The following RNF169 variants were observed in gnomAD, a reference collection of about 807,000 sequenced individuals.
RNF169 encodes E3 ubiquitin-protein ligase RNF169.
A neutral mutation model predicts 53.9 loss-of-function variants in RNF169; 24 were observed. That is an observed-to-expected ratio of 0.45 (90% CI 0.32 to 0.63). RNF169 has a LOEUF of 0.63. Among genes scored for constraint, RNF169 ranks in the 20% least tolerant of loss-of-function variants. The probability of loss-of-function intolerance (pLI) is 0.04; values close to 1 mark genes in which losing one functional copy is unlikely to be tolerated. For missense variants in RNF169, 883 were observed against 906.2 expected, an observed-to-expected ratio of 0.97 and a Z score of 0.33; for synonymous variants, 396 against 363.5, an observed-to-expected ratio of 1.09 and a Z score of -1.02.
chr11:74,776,511 CAAAAA>C (rs766527055), intron 1 of RNF169, among the ~76,000 whole-genome samples: 7 of 82,014 alleles, frequency 8.5e-5, no homozygotes, highest in African/African-American at 2.3e-4. Context: ...TTCATTCAGC[CAAAAA>C]AAAAAAAAAA....
At chr11:74,821,183 T>A (rs143082581) in intron 4 of RNF169, among the ~76,000 whole-genome samples, 48 of 152,334 alleles carry the variant, frequency 3.2e-4, no homozygotes, top group African/African-American at 1.1e-3. Context: ...GCTGCTCTCC[T>A]TCCATTTTTT....
intron 1 of RNF169, among the ~76,000 whole-genome samples, chr11:74,766,479 G>T (rs2035176652): frequency 1.3e-5 from 2 of 152,072 alleles, no homozygotes; most frequent in South Asian, 2.1e-4. Flanking sequence ...GATATTTGTT[G>T]GTATTAAAGA....
Position 74,766,547 on chromosome 11 carries a change from C to T in RNF169, c.502+17165C>T, listed in dbSNP as rs576798226. On this transcript the variant is annotated intron_variant, in intron 1 of 5. Coordinates refer to ENST00000299563, the MANE Select transcript of RNF169 (RefSeq NM_001098638.2). ...TTATATATTTTAAAATAATCCTTCT[C>T]TTAGATGTTAAAAATATTTATAGCT... Among the ~76,000 whole-genome samples the T allele has an allele frequency of 2.0e-3, 297 of 152,260 alleles. 2 individuals are homozygous for T. Among genetic ancestry groups the T allele is most frequent in the Non-Finnish European group, 3.2e-3 (217 of 68,024 alleles).
chr11:74,791,435 G>A (rs2035578391), intron 2 of RNF169, among the ~76,000 whole-genome samples: 1 of 152,218 alleles, frequency 6.6e-6, no homozygotes, highest in Admixed American at 6.5e-5. Context: ...AACCTGCCCT[G>A]TACAGTACCC....
intron 1 of RNF169, among the ~76,000 whole-genome samples, chr11:74,765,433 G>A (rs2035157729): frequency 6.6e-6 from 1 of 152,104 alleles, no homozygotes; most frequent in South Asian, 2.1e-4. Flanking sequence ...GAAATTAATA[G>A]TGAAAATATA....
chr11:74,754,207 C>T (rs2034944700), intron 1 of RNF169, among the ~76,000 whole-genome samples: 1 of 152,114 alleles, frequency 6.6e-6, no homozygotes, highest in Non-Finnish European at 1.5e-5. Context: ...AGAGACATTC[C>T]TTATCTGTTG....
intron 4 of RNF169, among the ~76,000 whole-genome samples, chr11:74,827,256 C>G (rs896754032): frequency 1.3e-5 from 2 of 152,216 alleles, no homozygotes; most frequent in African/African-American, 4.8e-5. Flanking sequence ...AAACAATGGC[C>G]TGATCTGTAC....
At chr11:74,823,468 A>G (rs969242847) in intron 4 of RNF169, among the ~76,000 whole-genome samples, 2 of 152,102 alleles carry the variant, frequency 1.3e-5, no homozygotes, top group African/African-American at 4.8e-5. Context: ...GAGTTTGGTG[A>G]CTCATGCCTG....
At chr11:74,834,492 T>C (rs187424816) in intron 4 of RNF169, among the ~76,000 whole-genome samples, 184 bp from the exon 5 acceptor site, 554 of 152,340 alleles carry the variant, frequency 3.6e-3, no homozygotes, top group Non-Finnish European at 6.6e-3. Flanking sequence ...TGGAGCACTG[T>C]CTTTTGGCAG....
intron 4 of RNF169, chr11:74,831,714 A>G (rs950033665): frequency 2.6e-5 from 4 of 152,016 alleles, no homozygotes; most frequent in African/African-American, 9.7e-5. Context: ...AAAAAAGAAC[A>G]AAGGTGGAAG....
At chr11:74,751,167 A>G (rs990211004) in intron 1 of RNF169, among the ~76,000 whole-genome samples, 1 of 152,050 alleles carries the variant, frequency 6.6e-6, no homozygotes, top group Non-Finnish European at 1.5e-5. Flanking sequence ...CACTGTGCTC[A>G]GCCCTCGTTA....
At chr11:74,828,185 A>G (rs2036126809) in intron 4 of RNF169, among the ~76,000 whole-genome samples, 1 of 152,180 alleles carries the variant, frequency 6.6e-6, no homozygotes, top group African/African-American at 2.4e-5. Flanking sequence ...CCTATACACC[A>G]GTAGCAGGTA....
chr11:74,785,571 T>A (rs1399864404), intron 1 of RNF169, among the ~76,000 whole-genome samples: 1 of 152,084 alleles, frequency 6.6e-6, no homozygotes, highest in Non-Finnish European at 1.5e-5. Context: ...CTTAACTGTT[T>A]TAGTATTCAA....
chr11:74,832,876 T>C (rs1202750954), intron 4 of RNF169, among the ~76,000 whole-genome samples: 1 of 152,186 alleles, frequency 6.6e-6, no homozygotes, highest in African/African-American at 2.4e-5. Context: ...CTGTGACTTC[T>C]AGGGATGCAA....
At chr11:74,785,558 A>G (rs1381315155) in intron 1 of RNF169, among the ~76,000 whole-genome samples, 1 of 151,802 alleles carries the variant, frequency 6.6e-6, no homozygotes, top group Non-Finnish European at 1.5e-5. Context: ...ACAACCTTTT[A>G]TGCTTAACTG....
chr11:74,803,019 C>G (rs1037028322), intron 2 of RNF169, among the ~76,000 whole-genome samples: 1 of 151,980 alleles, frequency 6.6e-6, no homozygotes, highest in African/African-American at 2.4e-5. Flanking sequence ...CTCCCGGGTT[C>G]ACACCATTCT....
chr11:74,828,639 A>G (rs1388771700), intron 4 of RNF169, among the ~76,000 whole-genome samples: 1 of 152,198 alleles, frequency 6.6e-6, no homozygotes, highest in African/African-American at 2.4e-5. Flanking sequence ...ATATTGATAC[A>G]AGAACAGACA....
rs118023784 is a variant in RNF169 at position 74,782,314 on chromosome 11, C to T, written c.503-7312C>T. ...GTAGGCAGATCCACGTCATATAGAT[C>T]GGGGTCCCCAACCCCTGGGCTGCGG... On this transcript the variant is annotated intron_variant, in intron 1 of 5. Transcript: ENST00000299563. Among the ~76,000 whole-genome samples, 210 of 152,210 alleles carry T rather than the reference C, an allele frequency of 1.4e-3. 1 individual carries two copies. The East Asian group carries it at 0.02, about 14-fold the overall frequency.
At chr11:74,826,970 A>G (rs1172834920) in intron 4 of RNF169, among the ~76,000 whole-genome samples, 1 of 152,100 alleles carries the variant, frequency 6.6e-6, no homozygotes, top group Non-Finnish European at 1.5e-5. Flanking sequence ...CAGTGGATCT[A>G]CCATTCTGGG....
Sources: allele counts gnomAD v4.1 joint callset (sites outside exome capture counted in the v4.1 genomes callset), GRCh38; gene constraint gnomAD v4.1.1; transcripts MANE v1.5; gene names NCBI Gene and HGNC (gene_info 2026-07-23, HGNC 2026-07-21).